The following PPP3CA variants were observed in gnomAD, a reference collection of about 807,000 sequenced individuals.
The protein encoded by PPP3CA is CAM-PRP catalytic subunit.
In PPP3CA, 14 loss-of-function variants were observed where a neutral mutation model predicts 66.5. The ratio of observed to expected loss-of-function variants is 0.21; its 90% CI spans 0.14 to 0.33. The LOEUF (loss-of-function observed/expected upper bound fraction) is 0.33, where lower values mean the gene tolerates loss of function less well. Among genes scored for constraint, PPP3CA ranks in the 10% least tolerant of loss-of-function variants. The pLI is 1.00. For missense variants in PPP3CA, 317 were observed against 639.5 expected, an observed-to-expected ratio of 0.50 and a Z score of 5.44; for synonymous variants, 232 against 226.2, an observed-to-expected ratio of 1.03 and a Z score of -0.23.
At chr4:101,296,762 A>G (rs1190115130) in intron 1 of PPP3CA, among the ~76,000 whole-genome samples, 1 of 152,186 alleles carries the variant, frequency 6.6e-6, no homozygotes, top group African/African-American at 2.4e-5. Context: ...GTTTACATTT[A>G]TGCATACATG....
At chr4:101,245,972 G>A (rs1726463730) in intron 1 of PPP3CA, among the ~76,000 whole-genome samples, 1 of 151,868 alleles carries the variant, frequency 6.6e-6, no homozygotes, top group African/African-American at 2.4e-5. Flanking sequence ...TCCCAACCCA[G>A]TTGCTCATGT....
chr4:101,164,643 A>G (rs1413325604), intron 2 of PPP3CA, among the ~76,000 whole-genome samples: 1 of 151,628 alleles, frequency 6.6e-6, no homozygotes, highest in Non-Finnish European at 1.5e-5. Context: ...TTTACATAGA[A>G]TGATTATGAA....
chr4:101,219,318 A>G (rs981078630), intron 1 of PPP3CA, among the ~76,000 whole-genome samples: 2 of 152,022 alleles, frequency 1.3e-5, no homozygotes, highest in Non-Finnish European at 2.9e-5. Flanking sequence ...TCTAGAGTAT[A>G]ATGAACATTG....
At chr4:101,206,633 G>C (rs1725138328) in intron 1 of PPP3CA, among the ~76,000 whole-genome samples, 1 of 152,166 alleles carries the variant, frequency 6.6e-6, no homozygotes, top group Admixed American at 6.5e-5. Context: ...TCAAAAAACA[G>C]AATAATTAAG....
intron 11 of PPP3CA, among the ~76,000 whole-genome samples, chr4:101,038,691 A>G (rs1727370963): frequency 6.6e-6 from 1 of 151,336 alleles, no homozygotes; most frequent in Non-Finnish European, 1.5e-5. Flanking sequence ...TTGTTAGTTT[A>G]TTGTCTATCT....
At chr4:101,286,814 TA>T (rs1340589055) in intron 1 of PPP3CA, among the ~76,000 whole-genome samples, 1 of 152,186 alleles carries the variant, frequency 6.6e-6, no homozygotes, top group African/African-American at 2.4e-5. Flanking sequence ...TGAAGGCCTA[TA>T]AAAGAAGCCT....
At chr4:101,093,978 A>ACAAGAAACAAGCACTGTG (rs1230124750) in intron 5 of PPP3CA, 63 bp from the exon 6 acceptor site, 1 of 1,475,466 alleles carries the variant, frequency 6.8e-7, no homozygotes, top group Non-Finnish European at 9.1e-7. Context: ...TTCTGACAAT[A>ACAAGAAACAAGCACTGTG]CAAGAAACAA....
At chr4:101,207,935 T>C (rs1172340982) in intron 1 of PPP3CA, among the ~76,000 whole-genome samples, 2 of 152,196 alleles carry the variant, frequency 1.3e-5, no homozygotes, top group East Asian at 1.9e-4. Context: ...TATATGACTT[T>C]GGTTCCCCAA....
intron 8 of PPP3CA, among the ~76,000 whole-genome samples, chr4:101,073,408 T>A (rs764579929): frequency 4.0e-5 from 6 of 151,668 alleles, no homozygotes; most frequent in Non-Finnish European, 7.4e-5. Context: ...TCCCGAATAG[T>A]TGGGACTACA....
At chr4:101,304,308 T>C (rs1285355262) in intron 1 of PPP3CA, among the ~76,000 whole-genome samples, 2 of 152,220 alleles carry the variant, frequency 1.3e-5, no homozygotes, top group Non-Finnish European at 2.9e-5. Context: ...CCATAATATT[T>C]ACTGAATAAT....
chr4:101,195,856 T>G lies in PPP3CA; in HGVS notation c.259+60A>C, dbSNP rs193057907. 15 of 1,468,218 alleles carry G rather than the reference T, an allele frequency of 1.0e-5. No individual in the cohort carries two copies. In the East Asian group the frequency reaches 3.0e-4, roughly 29 times the overall value. The allele number at this position is 1,468,218 out of a possible 1,614,324, so 90.9% of individuals were successfully genotyped here. A position where few individuals can be genotyped will look rare whatever the true frequency, so the allele number is the denominator to read the frequency against. On this transcript the variant is annotated intron_variant, in intron 2 of 13. Transcript: ENST00000394854. Reference sequence around the variant, plus strand: ...CTCACTGGTAACTAGGACTTTTGATTTCATGCTATAAACAACAAAATGTGT... The same window carrying G: ...CTCACTGGTAACTAGGACTTTTGATGTCATGCTATAAACAACAAAATGTGT...
intron 1 of PPP3CA, among the ~76,000 whole-genome samples, chr4:101,260,502 T>TA (rs1726978259): frequency 6.6e-6 from 1 of 152,150 alleles, no homozygotes; most frequent in Non-Finnish European, 1.5e-5. Context: ...CATATGGAAA[T>TA]ACCCAAGATC....
intron 2 of PPP3CA, among the ~76,000 whole-genome samples, chr4:101,130,842 A>G (rs796443198): frequency 1.8e-4 from 27 of 152,342 alleles, no homozygotes; most frequent in African/African-American, 6.5e-4. Context: ...ACTAATGGGC[A>G]AAACATCCAG....
intron 2 of PPP3CA, among the ~76,000 whole-genome samples, chr4:101,161,366 A>G (rs1723502545): frequency 6.6e-6 from 1 of 152,140 alleles, no homozygotes; most frequent in South Asian, 2.1e-4. Flanking sequence ...ATCACAATGA[A>G]TTCAATCACT....
chr4:101,123,594 G>A (rs945892983), intron 2 of PPP3CA, among the ~76,000 whole-genome samples: 3 of 152,184 alleles, frequency 2.0e-5, no homozygotes, highest in African/African-American at 7.2e-5. Context: ...ATTTTGGGAG[G>A]TGGAGGTGGG....
chr4:101,082,018 T>C (rs1229005921), intron 7 of PPP3CA, among the ~76,000 whole-genome samples: 1 of 152,224 alleles, frequency 6.6e-6, no homozygotes, highest in Non-Finnish European at 1.5e-5. Context: ...ATACTTGATA[T>C]TAACTGATGC....
At chr4:101,089,821 T>C (rs1186424402) in intron 6 of PPP3CA, among the ~76,000 whole-genome samples, 1 of 152,210 alleles carries the variant, frequency 6.6e-6, no homozygotes, top group African/African-American at 2.4e-5. Flanking sequence ...GGCAAAATCA[T>C]AGATCTTATG....
In PPP3CA at chr4:101,249,023, G is replaced by A. The variant is rs918800609; in HGVS notation, c.59-52907C>T. On this transcript the variant is annotated intron_variant, in intron 1 of 13. Coordinates refer to ENST00000394854, the MANE Select transcript of PPP3CA (RefSeq NM_000944.5). ...AAAATACAAAAAATTAGCCGGGCGCGGTGGCGGGCGCCTGTAGTCCCAGCT... is the reference window on the plus strand; with the variant it reads ...AAAATACAAAAAATTAGCCGGGCGCAGTGGCGGGCGCCTGTAGTCCCAGCT... Among the ~76,000 whole-genome samples the A allele has an allele frequency of 5.9e-5, 9 of 151,644 alleles. No individual in the cohort carries two copies. In the South Asian group the frequency reaches 6.2e-4, roughly 11 times the overall value.
chr4:101,321,091 A>G (rs1265084789), intron 1 of PPP3CA, among the ~76,000 whole-genome samples: 1 of 152,236 alleles, frequency 6.6e-6, no homozygotes, highest in Non-Finnish European at 1.5e-5. Context: ...GCAGGATTTA[A>G]GCTATTTTCT....
Sources: gnomAD v4.1 joint callset for allele counts (sites outside exome capture counted in the v4.1 genomes callset) on GRCh38, gnomAD v4.1.1 for gene constraint, MANE v1.5 for transcripts, NCBI Gene and HGNC (gene_info 2026-07-23, HGNC 2026-07-21) for gene names.